The following ARHGEF40 variants were observed in gnomAD, a reference collection of about 807,000 sequenced individuals.
The protein encoded by ARHGEF40 is Rho guanine nucleotide exchange factor 40, also known as Rho guanine nucleotide exchange factor (GEF) 40.
ARHGEF40 carries 98 observed loss-of-function variants against 165.9 expected under a neutral mutation model. The ratio of observed to expected loss-of-function variants is 0.59; its 90% confidence interval spans 0.50 to 0.70. The LOEUF is 0.70. Ranked by LOEUF, ARHGEF40 falls within the 30% of genes least tolerant of loss-of-function variation. ARHGEF40 has a pLI of 0.00. For missense variants in ARHGEF40, 1,815 were observed against 1,968.0 expected, an observed-to-expected ratio of 0.92 and a Z score of 1.47; for synonymous variants, 792 against 814.3, an observed-to-expected ratio of 0.97 and a Z score of 0.47.
chr14:21,070,926 G>A lies in ARHGEF40; in HGVS notation c.3+527G>A, dbSNP rs1886761179. 6.8e-7 allele frequency: 1 copy of A among 1,460,270 alleles called. No homozygotes were observed. Among genetic ancestry groups the A allele is most frequent in the African/African-American group, 1.4e-5 (1 of 71,482 alleles). The allele number at this position is 1,460,270 out of a possible 1,614,324, so 90.5% of individuals were successfully genotyped here. A position where few individuals can be genotyped will look rare whatever the true frequency, so the allele number is the denominator to read the frequency against. ...CTGGCCACAGCTGTGGCTGGGCCGG[G>A]TCCCGGGGCATGGCCAAAGAGGGAA... On this transcript the variant is annotated intron_variant, in intron 1 of 23. Coordinates refer to ENST00000298694, the MANE Select transcript of ARHGEF40 (RefSeq NM_018071.5). The surrounding 1 kb of genome is among the most constrained non-coding windows in gnomAD (Gnocchi z 4.7).
At chr14:21,077,279 A>ATTTTTTTT (rs143561266) in intron 8 of ARHGEF40, among the ~76,000 whole-genome samples, 3 of 108,488 alleles carry the variant, frequency 2.8e-5, no homozygotes, top group South Asian at 3.0e-4. Flanking sequence ...TAGTTTTTGT[A>ATTTTTTTT]TTTTTTTTTT....
intron 17 of ARHGEF40, 101 bp from the exon 18 acceptor site, chr14:21,084,652 C>T: frequency 3.0e-6 from 4 of 1,316,654 alleles, no homozygotes; most frequent in Non-Finnish European, 4.2e-6. Flanking sequence ...TACCTGAGAA[C>T]CAGTGCATTA....
At chr14:21,084,079 T>C (rs1888155540) in intron 17 of ARHGEF40, 29 bp downstream of exon 17, 3 of 1,569,056 alleles carry the variant, frequency 1.9e-6, no homozygotes, top group African/African-American at 2.7e-5. Flanking sequence ...TCACTGCTGC[T>C]CAAACTGCCC....
rs768953756 is a variant in ARHGEF40 at position 21,075,789 on chromosome 14, C to T, written c.1739+24C>T. 3 of 1,605,582 alleles carry T rather than the reference C, an allele frequency of 1.9e-6. No individual in the cohort carries two copies. Among genetic ancestry groups the T allele is most frequent in the Non-Finnish European group, 1.7e-6 (2 of 1,175,170 alleles). ...AGGTAACCGAGGCCCAGTCCTGGCA[C>T]CCTGGACACTAACCTCCTGATTCAT... On this transcript the variant is annotated intron_variant, in intron 5 of 23. Coordinates refer to ENST00000298694, the MANE Select transcript of ARHGEF40 (RefSeq NM_018071.5). This position sits in a 1 kb window ranked among gnomAD's most constrained non-coding sequence, Gnocchi z 4.5.
intron 8 of ARHGEF40, among the ~76,000 whole-genome samples, chr14:21,077,279 ATTTTTTTTT>A (rs143561266): frequency 9.2e-6 from 1 of 108,510 alleles, no homozygotes; most frequent in African/African-American, 3.6e-5. Context: ...TAGTTTTTGT[ATTTTTTTTT>A]TTTTTTTTTT....
Position 21,078,188 on chromosome 14 carries a change from G to C in ARHGEF40, c.2046G>C (p.Arg682Ser), listed in dbSNP as rs930433253. ...CATGTGGGTTTCAGGAAGTGGTAAG[G>C]CTATGTCGCCTGTGCCAAGGTGTGC... ...HWVEIHQEVV[R>S]LCRLCQGVLG... The change falls in exon 9 of 24, where the codon AGG (arginine) becomes AGC (serine). Residue 682 changes from arginine to serine, a missense_variant. Transcript: ENST00000298694. 5 of 1,613,420 alleles carry C rather than the reference G, an allele frequency of 3.1e-6. No homozygotes were observed. Among genetic ancestry groups the C allele is most frequent in the Middle Eastern group, 1.6e-4 (1 of 6,076 alleles).
intron 8 of ARHGEF40, among the ~76,000 whole-genome samples, chr14:21,077,295 T>C (rs1489129970): frequency 7.2e-6 from 1 of 138,842 alleles, no homozygotes; most frequent in Non-Finnish European, 1.6e-5. Context: ...TTTTTTTTTT[T>C]TTTTGTAGAG....
Position 21,074,655 on chromosome 14 carries a change from GGGAGCAGCACC to G in ARHGEF40, c.931_941del (p.Ser311LeufsTer3). The stretch of plus-strand genomic sequence containing the variant: ...GGATGGAGCACGCCCACCCGGCGAG[GGGAGCAGCACC>G]GGAGCCTCCCCTGAGTCTCCCCCAG... On this transcript the variant is annotated frameshift_variant, in exon 3 of 24. Transcript: ENST00000298694. LOFTEE classifies it high-confidence loss of function. The surrounding 1 kb of genome is among the most constrained non-coding windows in gnomAD (Gnocchi z 4.8). 6.4e-7 allele frequency: 1 copy of G among 1,568,366 alleles called. No individual in the cohort carries two copies. The highest frequency in any genetic ancestry group is 2.3e-5 in the East Asian group (1 of 42,618).
upstream of ARHGEF40, among the ~76,000 whole-genome samples, chr14:21,067,282 G>GT (rs11444511): frequency 0.74 from 111,030 of 150,602 alleles, 41,651 homozygotes; most frequent in Admixed American, 0.84. Flanking sequence ...AAAAAGGTAG[G>GT]TTTTTTTTTT....
chr14:21,080,477 G>A lies in ARHGEF40; in HGVS notation c.2374-183G>A, dbSNP rs1042396719. Among the ~76,000 whole-genome samples, 4 of 152,108 alleles carry A rather than the reference G, an allele frequency of 2.6e-5. No homozygotes were observed. Among genetic ancestry groups the A allele is most frequent in the African/African-American group, 4.8e-5 (2 of 41,398 alleles). On this transcript the variant is annotated intron_variant, in intron 11 of 23. Transcript: ENST00000298694. ...CTGCCTTACCAAAGATTTCTTACTC[G>A]GTTTCTCATCTGACCCTTGTGGAAA...
At position 21,078,372 on chromosome 14, in the gene ARHGEF40, G is replaced by A; in HGVS notation, c.2131-1G>A. 6.2e-7 allele frequency: 1 copy of A among 1,602,922 alleles called. No individual in the cohort carries two copies. Among genetic ancestry groups the A allele is most frequent in the South Asian group, 1.1e-5 (1 of 89,450 alleles). Reference sequence around the variant, plus strand: ...AACTGGCAACTCCTCCCTATCCCCAGGAGGCAGTGGGAATGCCCAAGCCAC... The same window carrying A: ...AACTGGCAACTCCTCCCTATCCCCAAGAGGCAGTGGGAATGCCCAAGCCAC... On this transcript the variant is annotated splice_acceptor_variant, in intron 9 of 23. Coordinates refer to ENST00000298694, the MANE Select transcript of ARHGEF40 (RefSeq NM_018071.5). LOFTEE classifies it high-confidence loss of function.
At chr14:21,080,229 CA>C (rs1305811179) in intron 11 of ARHGEF40, among the ~76,000 whole-genome samples, 2 of 145,942 alleles carry the variant, frequency 1.4e-5, no homozygotes, top group Non-Finnish European at 3.1e-5. Context: ...CACACACACA[CA>C]CACACACACA....
At chr14:21,087,517 T>C in intron 21 of ARHGEF40, 54 bp downstream of exon 21, 8 of 1,585,102 alleles carry the variant, frequency 5.0e-6, no homozygotes, top group Non-Finnish European at 6.8e-6. Flanking sequence ...GTGGTGATGT[T>C]CAGGCTGCTT....
chr14:21,078,927 G>A lies in ARHGEF40; in HGVS notation c.2290G>A (p.Glu764Lys), dbSNP rs114315335. The change falls in exon 11 of 24, where the codon GAG becomes AAG. Residue 764 changes from glutamate to lysine, a missense_variant. Transcript: ENST00000298694. ...AGCTACACTGTATCAGGAAGTGGAC[G>A]AGGCCATTCACCAGCTTGTGCGCCT... is the stretch of plus-strand genomic sequence containing the variant. Reference protein sequence around the residue: ...GPATLYQEVDEAIHQLVRLSN... With the variant: ...GPATLYQEVDKAIHQLVRLSN... 2.8e-5 allele frequency: 46 copies of A among 1,614,164 alleles called. No individual in the cohort carries two copies. The highest frequency in any genetic ancestry group is 3.4e-5 in the Non-Finnish European group (40 of 1,180,000).
chr14:21,086,933 AAC>A (rs1478551865), intron 19 of ARHGEF40, 66 bp from the exon 20 acceptor site: 73 of 1,163,632 alleles, frequency 6.3e-5, no homozygotes, highest in South Asian at 1.0e-4. Context: ...GAAAAAAATC[AAC>A]CATGACATGC....
chr14:21,067,571 C>T (rs189350927), upstream of ARHGEF40, among the ~76,000 whole-genome samples: 34 of 152,258 alleles, frequency 2.2e-4, no homozygotes, highest in East Asian at 3.9e-4. Flanking sequence ...GCAATTTCTT[C>T]TGTAAAACAG....
intron 16 of ARHGEF40, among the ~76,000 whole-genome samples, chr14:21,083,270 G>A (rs866602478): frequency 1.9e-4 from 29 of 152,196 alleles, no homozygotes; most frequent in Middle Eastern, 6.8e-3. Context: ...GGCCGGGCGC[G>A]GTGACTCACA....
At position 21,081,939 on chromosome 14, in the gene ARHGEF40, C is replaced by T; in HGVS notation, c.3071C>T (p.Ala1024Val). Residue 1024 changes from alanine to valine, a missense_variant, in exon 14 of 24, where the codon GCT (alanine) becomes GTT (valine). Transcript: ENST00000298694. ...EDYEEEGPEL[A>V]PEAEGRPPRA... ...TATGAGGAAGAGGGCCCTGAGCTGG[C>T]TCCAGAAGCAGAGGGCAGGCCCCCA... is the stretch of plus-strand genomic sequence containing the variant. 6.2e-7 allele frequency: 1 copy of T among 1,609,892 alleles called. No individual in the cohort carries two copies. The highest frequency in any genetic ancestry group is 8.5e-7 in the Non-Finnish European group (1 of 1,178,274).
chr14:21,077,799 G>C (rs751600278), intron 8 of ARHGEF40, among the ~76,000 whole-genome samples: 4 of 152,158 alleles, frequency 2.6e-5, no homozygotes, highest in Non-Finnish European at 5.9e-5. Context: ...TCTAAGCTTC[G>C]CCTTTAGTGT....
Sources: allele counts gnomAD v4.1 joint callset (sites outside exome capture counted in the v4.1 genomes callset), GRCh38; gene constraint gnomAD v4.1.1; non-coding constraint Gnocchi (gnomAD v3.1); transcripts MANE v1.5; gene names NCBI Gene and HGNC (gene_info 2026-07-23, HGNC 2026-07-21).